Variants in GRM7 observed in about 807,000 individuals in gnomAD.
GRM7 encodes metabotropic glutamate receptor 7.
GRM7 carries 35 observed loss-of-function variants against 84.5 expected under a neutral mutation model. The observed-to-expected ratio is 0.41, with a 90% CI of 0.32 to 0.55. The LOEUF is 0.55. GRM7 is among the 20% of genes least tolerant of loss of function. The pLI, the probability that GRM7 is intolerant of heterozygous loss-of-function variation, is 0.19. For missense variants in GRM7, 1,003 were observed against 1,194.6 expected (o/e 0.84, Z 2.36); for synonymous variants, 487 against 455.1 (o/e 1.07, Z -0.89).
At chr3:7,174,786 T>C (rs1336850479) in intron 2 of GRM7, among the ~76,000 whole-genome samples, 1 of 152,232 alleles carries the variant, frequency 6.6e-6, no homozygotes, top group African/African-American at 2.4e-5. Flanking sequence ...CAAAGGGTAC[T>C]GATAAAATTC....
chr3:7,666,785 C>T (rs781314385), intron 8 of GRM7, among the ~76,000 whole-genome samples: 2 of 151,900 alleles, frequency 1.3e-5, no homozygotes, highest in Non-Finnish European at 2.9e-5. Context: ...TTATATATTG[C>T]ATTACTTATA....
intron 7 of GRM7, among the ~76,000 whole-genome samples, chr3:7,469,713 G>A (rs1189831698): frequency 2.6e-5 from 4 of 152,080 alleles, no homozygotes; most frequent in East Asian, 1.9e-4. Context: ...TGAAAAGATG[G>A]CATTTAACCT....
At position 7,402,052 on chromosome 3, in the gene GRM7, C is replaced by G. The variant is rs558394743; in HGVS notation, c.1034-12971C>G. ...GTAAGACTCTTTTCTCCCTCCATGT[C>G]TTTTTTTTCTAGGACTCTAATTGAC... On this transcript the variant is annotated intron_variant, in intron 4 of 9. Coordinates refer to ENST00000357716, the MANE Select transcript of GRM7 (RefSeq NM_000844.4). 2.6e-5 allele frequency among the ~76,000 whole-genome samples: 4 copies of G among 152,104 alleles called. No individual in the cohort carries two copies. The East Asian group carries it at 7.7e-4, about 29-fold the overall frequency.
At chr3:7,149,107 A>T (rs1054924527) in intron 2 of GRM7, among the ~76,000 whole-genome samples, 2 of 152,206 alleles carry the variant, frequency 1.3e-5, no homozygotes, top group Non-Finnish European at 2.9e-5. Flanking sequence ...AACAAAATGC[A>T]TTGGAACTAT....
intron 7 of GRM7, among the ~76,000 whole-genome samples, chr3:7,472,151 G>T (rs1698727534): frequency 6.6e-6 from 1 of 152,080 alleles, no homozygotes; most frequent in South Asian, 2.1e-4. Flanking sequence ...GCACACACTG[G>T]CTTCTCATCA....
intron 2 of GRM7, among the ~76,000 whole-genome samples, chr3:7,212,126 A>G (rs1286001637): frequency 1.3e-5 from 2 of 151,580 alleles, no homozygotes; most frequent in Admixed American, 1.3e-4. Flanking sequence ...TATGTCAAAA[A>G]TAGTATTAAT....
chr3:7,245,353 C>T (rs1575075313), intron 2 of GRM7, among the ~76,000 whole-genome samples: 1 of 151,880 alleles, frequency 6.6e-6, no homozygotes, highest in African/African-American at 2.4e-5. Flanking sequence ...TCTAGGACAT[C>T]ATGGTCAAAC....
At chr3:6,889,426 G>T (rs1444410392) in intron 1 of GRM7, among the ~76,000 whole-genome samples, 2 of 151,670 alleles carry the variant, frequency 1.3e-5, no homozygotes, top group African/African-American at 4.8e-5. Context: ...AATTTATTGA[G>T]AGTTTTTAGC....
chr3:7,247,698 C>A (rs1697827504), intron 2 of GRM7, among the ~76,000 whole-genome samples: 1 of 150,024 alleles, frequency 6.7e-6, no homozygotes, highest in Admixed American at 6.6e-5. Flanking sequence ...GAAAGGCAAG[C>A]CACAAATTAG....
chr3:7,171,119 C>G (rs1694969209), intron 2 of GRM7, among the ~76,000 whole-genome samples: 1 of 152,164 alleles, frequency 6.6e-6, no homozygotes, highest in Non-Finnish European at 1.5e-5. Context: ...TATGGACTCA[C>G]ATTCCTGAAG....
At chr3:6,969,002 T>G (rs1268217227) in intron 1 of GRM7, among the ~76,000 whole-genome samples, 1 of 152,168 alleles carries the variant, frequency 6.6e-6, no homozygotes, top group East Asian at 1.9e-4. Context: ...TCACTCCAAT[T>G]TCAATGATGT....
chr3:7,224,232 G>A (rs1367288325), intron 2 of GRM7, among the ~76,000 whole-genome samples: 5 of 151,432 alleles, frequency 3.3e-5, no homozygotes, highest in Non-Finnish European at 7.4e-5. Context: ...CATGGCGGAA[G>A]GGAAGGGGGA....
rs139832598 is a variant in GRM7 at position 7,645,844 on chromosome 3, G to A, written c.2452-34205G>A. ...ATCTGACCCCAATTTTCCTTTCCATGTCCAAAGTCTCCTGGGAGTACACTG... is the reference window on the plus strand; with the variant it reads ...ATCTGACCCCAATTTTCCTTTCCATATCCAAAGTCTCCTGGGAGTACACTG... On this transcript the variant is annotated intron_variant, in intron 8 of 9. Transcript: ENST00000357716. 2.0e-3 allele frequency among the ~76,000 whole-genome samples: 309 copies of A among 152,238 alleles called. 2 individuals carry two copies. The highest frequency in any genetic ancestry group is 6.9e-3 in the African/African-American group (288 of 41,544).
At chr3:7,126,140 A>G (rs2173516) in intron 1 of GRM7, among the ~76,000 whole-genome samples, 83,774 of 151,964 alleles carry the variant, frequency 0.55, 25,534 homozygotes, top group African/African-American at 0.83. Context: ...GGTGGGTTGT[A>G]AAGATGGGCT....
intron 8 of GRM7, among the ~76,000 whole-genome samples, chr3:7,676,732 A>G (rs1182464694): frequency 6.6e-6 from 1 of 152,074 alleles, no homozygotes; most frequent in African/African-American, 2.4e-5. Context: ...ATGTTTAACT[A>G]TATTTAGATA....
intron 1 of GRM7, among the ~76,000 whole-genome samples, chr3:7,143,261 C>A (rs928419812): frequency 6.6e-6 from 1 of 152,136 alleles, no homozygotes; most frequent in African/African-American, 2.4e-5. Context: ...AAGCAAGTAA[C>A]TAAACATGAA....
chr3:6,861,617 C>T lies in GRM7; in HGVS notation c.229C>T (p.His77Tyr), dbSNP rs1694758619. ...CGDIKRENGIHRLEAMLYALD... is the reference protein window; with the variant it reads ...CGDIKRENGIYRLEAMLYALD... ...CGACATCAAGAGGGAAAACGGGATC[C>T]ACAGGCTGGAAGCGATGCTCTACGC... The change falls in exon 1 of 10, where the codon CAC (histidine) becomes TAC (tyrosine). Residue 77 changes from histidine (H) to tyrosine (Y), a missense_variant. By Grantham distance (83) the His-to-Tyr change is moderately conservative. Around this residue, in one of 2 missense-constraint regions of GRM7, gnomAD observed 910 missense variants for 1,126.0 expected, o/e 0.81. Coordinates refer to ENST00000357716, the MANE Select transcript of GRM7 (RefSeq NM_000844.4). The surrounding 1 kb of genome is among the most constrained non-coding windows in gnomAD (Gnocchi z 6.4). 1 of 1,613,026 alleles carries T rather than the reference C, an allele frequency of 6.2e-7. No homozygotes were observed. The highest frequency in any genetic ancestry group is 8.5e-7 in the Non-Finnish European group (1 of 1,179,562).
chr3:7,124,943 T>C (rs1286414802), intron 1 of GRM7, among the ~76,000 whole-genome samples: 1 of 152,184 alleles, frequency 6.6e-6, no homozygotes, highest in Non-Finnish European at 1.5e-5. Flanking sequence ...AGATTAATAG[T>C]TTCTTTTCTT....
intron 1 of GRM7, among the ~76,000 whole-genome samples, chr3:7,106,226 C>G (rs915941537): frequency 6.0e-5 from 9 of 150,852 alleles, no homozygotes; most frequent in African/African-American, 9.7e-5. Flanking sequence ...AAATTAGAAG[C>G]AAAATTTGAA....
Sources: gnomAD v4.1 joint callset for allele counts (sites outside exome capture counted in the v4.1 genomes callset) on GRCh38, gnomAD v4.1.1 for gene constraint, gnomAD v4.1.1 regional missense constraint, Gnocchi (gnomAD v3.1) non-coding constraint, MANE v1.5 for transcripts, NCBI Gene and HGNC (gene_info 2026-07-23, HGNC 2026-07-21) for gene names.